SCUBE1: variants seen among roughly 807,000 people sequenced by gnomAD.
The protein encoded by SCUBE1 is signal peptide, CUB and EGF-like domain-containing protein 1.
SCUBE1 carries 59 observed loss-of-function variants against 124.4 expected under a neutral mutation model. The observed-to-expected ratio is 0.47, with a 90% CI of 0.38 to 0.59. SCUBE1 has a LOEUF of 0.59. SCUBE1 is among the 20% of genes least tolerant of loss of function. The pLI is 0.00. For synonymous variants in SCUBE1, 545 were observed against 550.9 expected (o/e 0.99, Z 0.15); for missense variants, 1,150 against 1,371.2 (o/e 0.84, Z 2.55).
At chr22:43,323,167 A>G (rs1283577938) in intron 2 of SCUBE1, among the ~76,000 whole-genome samples, 1 of 152,180 alleles carries the variant, frequency 6.6e-6, no homozygotes, top group African/African-American at 2.4e-5. Flanking sequence ...AGAAAGTACT[A>G]TCCAATCATC....
At chr22:43,342,074 A>G (rs1235850222) in intron 1 of SCUBE1, among the ~76,000 whole-genome samples, 1 of 151,960 alleles carries the variant, frequency 6.6e-6, no homozygotes, top group Non-Finnish European at 1.5e-5. Context: ...CGGGACCACC[A>G]GGAATAGACC....
Position 43,320,053 on chromosome 22 carries a change from C to T in SCUBE1, c.233G>A (p.Cys78Tyr), listed in dbSNP as rs1450343138. The T allele has an allele frequency of 6.2e-7, 1 of 1,614,060 alleles. No homozygotes were observed. Among genetic ancestry groups the T allele is most frequent in the Non-Finnish European group, 8.5e-7 (1 of 1,179,960 alleles). ...EGKQCEDIDECENDYYNGGCV... is the reference protein window; with the variant it reads ...EGKQCEDIDEYENDYYNGGCV... Reference sequence around the variant, plus strand: ...GCCCCCATTGTAGTAGTCATTCTCACACTCGTCAATGTCTGCAAAAGGAAG... The same window carrying T: ...GCCCCCATTGTAGTAGTCATTCTCATACTCGTCAATGTCTGCAAAAGGAAG... The change falls in exon 3 of 22, where the codon TGT becomes TAT. Residue 78 changes from cysteine to tyrosine, a missense_variant. Physicochemically the swap from Cys to Tyr is radical, Grantham distance 194 (BLOSUM62 -2). Coordinates refer to ENST00000360835, the MANE Select transcript of SCUBE1 (RefSeq NM_173050.5).
intron 4 of SCUBE1, among the ~76,000 whole-genome samples, chr22:43,274,193 G>A (rs1300877043): frequency 6.6e-6 from 1 of 152,234 alleles, no homozygotes; most frequent in Non-Finnish European, 1.5e-5. Context: ...AGGCCCGGGA[G>A]GCTGGAGGTG....
chr22:43,242,298 C>A (rs1923036539), intron 6 of SCUBE1, among the ~76,000 whole-genome samples: 1 of 152,188 alleles, frequency 6.6e-6, no homozygotes, highest in Non-Finnish European at 1.5e-5. Context: ...TCTCTGAGAT[C>A]CTCAAAAAAA....
chr22:43,282,701 T>G (rs1426034084), intron 4 of SCUBE1: 1 of 132,806 alleles, frequency 7.5e-6, no homozygotes, highest in Non-Finnish European at 1.5e-5. Context: ...CTTTTTTTTT[T>G]TCTTTTTTTT....
In SCUBE1 at chr22:43,223,234, A is replaced by G. The variant is rs1343926581; in HGVS notation, c.1208-18T>C. On this transcript the variant is annotated intron_variant, in intron 10 of 21. Transcript: ENST00000360835. ...GCCTGTCTCTATGAAGGGAGATACG[A>G]GAGAGGGCTGAGAGAGGCCAGGGCG... is the stretch of plus-strand genomic sequence containing the variant. 34 of 1,562,548 alleles carry G rather than the reference A, an allele frequency of 2.2e-5. No individual in the cohort carries two copies. The highest frequency in any genetic ancestry group is 2.9e-5 in the Non-Finnish European group (34 of 1,163,938).
At chr22:43,274,935 G>C (rs1292040316) in intron 4 of SCUBE1, among the ~76,000 whole-genome samples, 1 of 152,202 alleles carries the variant, frequency 6.6e-6, no homozygotes, top group Non-Finnish European at 1.5e-5. Context: ...GGTACGTTTG[G>C]ATCATCGGCA....
intron 3 of SCUBE1, among the ~76,000 whole-genome samples, chr22:43,297,033 T>C (rs879804935): frequency 5.9e-5 from 9 of 152,190 alleles, no homozygotes; most frequent in African/African-American, 1.7e-4. Context: ...GGCTGAGCAT[T>C]TGGAGCACAA....
intron 5 of SCUBE1, among the ~76,000 whole-genome samples, chr22:43,260,017 C>T (rs1041222281): frequency 1.3e-5 from 2 of 152,212 alleles, no homozygotes; most frequent in African/African-American, 4.8e-5. Flanking sequence ...GAGGCTGCAG[C>T]TCTGTGCAGA....
intron 3 of SCUBE1, among the ~76,000 whole-genome samples, chr22:43,314,620 A>G (rs370668281): frequency 1.3e-4 from 20 of 152,282 alleles, no homozygotes; most frequent in African/African-American, 4.6e-4. Context: ...AGCCTATCAG[A>G]CTACACTTAG....
chr22:43,242,705 C>A (rs1367719270), intron 6 of SCUBE1, among the ~76,000 whole-genome samples: 4 of 152,234 alleles, frequency 2.6e-5, no homozygotes, highest in Non-Finnish European at 5.9e-5. Flanking sequence ...GAGCTAAAGA[C>A]AGAATTTCCT....
chr22:43,297,918 T>C (rs1409971525), intron 3 of SCUBE1, among the ~76,000 whole-genome samples: 1 of 152,172 alleles, frequency 6.6e-6, no homozygotes, highest in African/African-American at 2.4e-5. Context: ...GGCCCTCCAC[T>C]GGCTCCGGTG....
chr22:43,212,322 G>C lies in SCUBE1; in HGVS notation c.2221+103C>G, dbSNP rs1601797562. On this transcript the variant is annotated intron_variant, in intron 17 of 21. Transcript: ENST00000360835. ...TCCAGGCTCCTCCTCTGAGCTGGGA[G>C]GTTCGCCACATGGAGGAGATGAGAG... The C allele has an allele frequency of 9.2e-6, 12 of 1,298,804 alleles. No homozygotes were observed. In the South Asian group the frequency reaches 1.6e-4, roughly 17 times the overall value. The allele number at this position is 1,298,804 out of a possible 1,614,324, so 80.5% of individuals were successfully genotyped here. A position where few individuals can be genotyped will look rare whatever the true frequency, so the allele number is the denominator to read the frequency against.
chr22:43,220,382 C>G, intron 14 of SCUBE1, 68 bp downstream of exon 14: 1 of 1,551,382 alleles, frequency 6.4e-7, no homozygotes, highest in Non-Finnish European at 8.8e-7. Flanking sequence ...GGCAGGCCCC[C>G]GGCAGCGCCA....
At chr22:43,212,137 AC>A (rs1381400202) in intron 17 of SCUBE1, among the ~76,000 whole-genome samples, 1 of 147,618 alleles carries the variant, frequency 6.8e-6, no homozygotes, top group African/African-American at 2.5e-5. Flanking sequence ...CACCCTCCCA[AC>A]CTCCCTTCTA....
Position 43,198,336 on chromosome 22 carries a change from A to G in SCUBE1, c.*5661T>C. Reference sequence around the variant, plus strand: ...ACTGGAGAGGCCTTGAGGCCATCGCAGCAGATGCTGGGAGGGCACGCAGGC... The same window carrying G: ...ACTGGAGAGGCCTTGAGGCCATCGCGGCAGATGCTGGGAGGGCACGCAGGC... On this transcript the variant is annotated 3_prime_UTR_variant, in exon 22 of 22. Transcript: ENST00000360835. 1 of 359,488 alleles carries G rather than the reference A, an allele frequency of 2.8e-6. No homozygotes were observed. Among genetic ancestry groups the G allele is most frequent in the East Asian group, 7.4e-5 (1 of 13,488 alleles). 22.3% of individuals were successfully genotyped at this position (359,488 alleles called of 1,614,324 possible).
Position 43,212,452 on chromosome 22 carries a change from T to C in SCUBE1, c.2194A>G (p.Thr732Ala). 1 of 1,551,984 alleles carries C rather than the reference T, an allele frequency of 6.4e-7. No homozygotes were observed. Among genetic ancestry groups the C allele is most frequent in the Non-Finnish European group, 8.7e-7 (1 of 1,147,740 alleles). Reference sequence around the variant, plus strand: ...TTAGCCTCGCAGTCCTGGAAGGAGGTGGTGCCTTCGTGTTTGGTGAGCAAA... The same window carrying C: ...TTAGCCTCGCAGTCCTGGAAGGAGGCGGTGCCTTCGTGTTTGGTGAGCAAA... ...GGLLTKHEGT[T>A]SFQDCEAKVH... Residue 732 changes from threonine to alanine, a missense_variant, in exon 17 of 22, where the codon ACC becomes GCC. Coordinates refer to ENST00000360835, the MANE Select transcript of SCUBE1 (RefSeq NM_173050.5).
intron 12 of SCUBE1, among the ~76,000 whole-genome samples, chr22:43,222,431 C>T (rs1480746695): frequency 2.6e-5 from 4 of 152,252 alleles, no homozygotes; most frequent in Non-Finnish European, 4.4e-5. Flanking sequence ...TCCCACGGTC[C>T]CCTGACCCTG....
intron 9 of SCUBE1, among the ~76,000 whole-genome samples, chr22:43,227,928 G>A (rs967680131): frequency 2.6e-5 from 4 of 152,274 alleles, no homozygotes; most frequent in South Asian, 2.1e-4. Context: ...AGAGGTCACC[G>A]CTAAGGCCTT....
Sources: allele counts gnomAD v4.1 joint callset (sites outside exome capture counted in the v4.1 genomes callset), GRCh38; gene constraint gnomAD v4.1.1; transcripts MANE v1.5; gene names NCBI Gene and HGNC (gene_info 2026-07-23, HGNC 2026-07-21).